LHFPL3: variants seen among roughly 807,000 people sequenced by gnomAD.
LHFPL3 encodes LHFPL tetraspan subfamily member 3.
Under a neutral mutation model 19.3 loss-of-function variants are expected in LHFPL3, and 5 were observed. The ratio of observed to expected loss-of-function variants is 0.26; its 90% CI spans 0.14 to 0.54. The LOEUF (loss-of-function observed/expected upper bound fraction) is 0.54, where lower values mean the gene tolerates loss of function less well. Among genes scored for constraint, LHFPL3 ranks in the 20% least tolerant of loss-of-function variants. The probability of loss-of-function intolerance (pLI) is 0.94; values close to 1 mark genes in which losing one functional copy is unlikely to be tolerated. For synonymous variants in LHFPL3, 133 were observed against 126.2 expected (o/e 1.05, Z -0.36); for missense variants, 249 against 307.4 (o/e 0.81, Z 1.42).
chr7:104,443,819 A>G (rs1267558609), intron 1 of LHFPL3, among the ~76,000 whole-genome samples: 2 of 152,246 alleles, frequency 1.3e-5, no homozygotes, highest in Non-Finnish European at 2.9e-5. Context: ...AGTGGTCAGA[A>G]AAAGCAGAAT....
chr7:104,495,277 G>A (rs1793439552), intron 1 of LHFPL3, among the ~76,000 whole-genome samples: 1 of 152,050 alleles, frequency 6.6e-6, no homozygotes, highest in Non-Finnish European at 1.5e-5. Context: ...GCTCAGCCAT[G>A]GCTCACTGCA....
chr7:104,635,294 A>C (rs1432843270), intron 1 of LHFPL3, among the ~76,000 whole-genome samples: 1 of 152,176 alleles, frequency 6.6e-6, no homozygotes, highest in Non-Finnish European at 1.5e-5. Context: ...ATAACTTTCT[A>C]TTACTGGATG....
At chr7:104,575,005 T>G (rs1008935439) in intron 1 of LHFPL3, among the ~76,000 whole-genome samples, 2 of 152,228 alleles carry the variant, frequency 1.3e-5, no homozygotes, top group Non-Finnish European at 2.9e-5. Flanking sequence ...GGTAACTGCT[T>G]TTGATGACTA....
intron 1 of LHFPL3, among the ~76,000 whole-genome samples, chr7:104,357,062 G>A (rs1790293649): frequency 6.6e-6 from 1 of 152,234 alleles, no homozygotes; most frequent in African/African-American, 2.4e-5. Context: ...AGTCTGTGAG[G>A]TAAACCTTAA....
chr7:104,479,935 TG>T (rs1793098586), intron 1 of LHFPL3, among the ~76,000 whole-genome samples: 1 of 152,258 alleles, frequency 6.6e-6, no homozygotes, highest in Non-Finnish European at 1.5e-5. Flanking sequence ...CTACAATTAA[TG>T]TATAAGATTG....
chr7:104,688,403 G>C (rs1017247656), intron 1 of LHFPL3, among the ~76,000 whole-genome samples: 4 of 152,142 alleles, frequency 2.6e-5, no homozygotes, highest in Non-Finnish European at 4.4e-5. Context: ...AAAGGGAAAT[G>C]CTCAGTCTTG....
At chr7:104,456,393 A>G (rs568654185) in intron 1 of LHFPL3, among the ~76,000 whole-genome samples, 5 of 152,360 alleles carry the variant, frequency 3.3e-5, no homozygotes, top group Non-Finnish European at 7.3e-5. Context: ...GACACATTAC[A>G]TAAGTGAGAC....
At position 104,397,574 on chromosome 7, in the gene LHFPL3, G is replaced by A. The variant is rs371076202; in HGVS notation, c.445+68350G>A. ...TTACCCCTAGTTTCCCCCGGGGGACGGCACTTTCCTTTCCTCCTTCTCTGG... is the reference window on the plus strand; with the variant it reads ...TTACCCCTAGTTTCCCCCGGGGGACAGCACTTTCCTTTCCTCCTTCTCTGG... On this transcript the variant is annotated intron_variant, in intron 1 of 2. Transcript: ENST00000424859. Among the ~76,000 whole-genome samples, 79 of 152,132 alleles carry A rather than the reference G, an allele frequency of 5.2e-4. 1 individual carries two copies. Among genetic ancestry groups the A allele is most frequent in the African/African-American group, 7.0e-4 (29 of 41,478 alleles).
intron 1 of LHFPL3, chr7:104,668,276 TAA>T: frequency 1.2e-6 from 2 of 1,608,148 alleles, no homozygotes; most frequent in South Asian, 2.2e-5. Flanking sequence ...AAGCACTGGA[TAA>T]AGACAGGGAT....
At chr7:104,446,752 AT>A (rs1282046177) in intron 1 of LHFPL3, among the ~76,000 whole-genome samples, 16 of 151,766 alleles carry the variant, frequency 1.1e-4, no homozygotes, top group African/African-American at 3.6e-4. Flanking sequence ...ATTTTTTTAT[AT>A]TTTTAGTAGA....
intron 1 of LHFPL3, among the ~76,000 whole-genome samples, chr7:104,644,716 G>T (rs1791900423): frequency 7.0e-6 from 1 of 143,282 alleles, no homozygotes; most frequent in South Asian, 2.3e-4. Flanking sequence ...CTTCTCCCTT[G>T]TTAGTGCCTG....
chr7:104,630,659 G>A (rs112430719), intron 1 of LHFPL3, among the ~76,000 whole-genome samples: 47 of 152,184 alleles, frequency 3.1e-4, no homozygotes, highest in African/African-American at 1.1e-3. Context: ...ATCTTTACAA[G>A]CTGGAACCAG....
At position 104,606,467 on chromosome 7, in the gene LHFPL3, G is replaced by C. The variant is rs1791104770; in HGVS notation, c.446-130208G>C. Among the ~76,000 whole-genome samples, 3 of 152,312 alleles carry C rather than the reference G, an allele frequency of 2.0e-5. No individual in the cohort carries two copies. The South Asian group carries it at 6.2e-4, about 32-fold the overall frequency. On this transcript the variant is annotated intron_variant, in intron 1 of 2. Transcript: ENST00000424859. ...GAAATGCTCTGTCTTTTGTGAGGTT[G>C]GCAAATCACTTATCTCTTTGAAACT...
intron 2 of LHFPL3, among the ~76,000 whole-genome samples, chr7:104,880,074 G>A (rs1197150003): frequency 1.3e-5 from 2 of 152,026 alleles, no homozygotes; most frequent in African/African-American, 4.8e-5. Flanking sequence ...CTTTTTAGGG[G>A]CTGATAAGGT....
intron 1 of LHFPL3, among the ~76,000 whole-genome samples, chr7:104,733,085 G>C (rs1036458433): frequency 6.6e-6 from 1 of 152,200 alleles, no homozygotes; most frequent in African/African-American, 2.4e-5. Context: ...TGTGTTCTAA[G>C]AGACAGTTTG....
At chr7:104,701,810 T>C (rs1296741823) in intron 1 of LHFPL3, among the ~76,000 whole-genome samples, 1 of 152,174 alleles carries the variant, frequency 6.6e-6, no homozygotes, top group Admixed American at 6.6e-5. Flanking sequence ...AAAATTTGCA[T>C]CTTTTAGCTT....
At chr7:104,741,889 T>G (rs1348274283) in intron 2 of LHFPL3, among the ~76,000 whole-genome samples, 1 of 152,206 alleles carries the variant, frequency 6.6e-6, no homozygotes, top group Non-Finnish European at 1.5e-5. Context: ...AAAACTCAAC[T>G]GCCTGCTCTG....
chr7:104,329,662 C>T (rs1397113970), intron 1 of LHFPL3, among the ~76,000 whole-genome samples: 3 of 152,104 alleles, frequency 2.0e-5, no homozygotes, highest in Non-Finnish European at 2.9e-5. Context: ...CTGCCCTGCC[C>T]CTCGCTGCTG....
intron 2 of LHFPL3, among the ~76,000 whole-genome samples, chr7:104,806,341 G>A (rs957218116): frequency 6.6e-6 from 1 of 152,222 alleles, no homozygotes; most frequent in Non-Finnish European, 1.5e-5. Flanking sequence ...AACTCAATCT[G>A]TTAGGGGAAA....
Sources: allele counts gnomAD v4.1 joint callset (sites outside exome capture counted in the v4.1 genomes callset), GRCh38; gene constraint gnomAD v4.1.1; transcripts MANE v1.5; gene names NCBI Gene and HGNC (gene_info 2026-07-23, HGNC 2026-07-21).